Variants in SNX4 observed in about 807,000 individuals in gnomAD.
SNX4 encodes sorting nexin 4.
A neutral mutation model predicts 70.8 loss-of-function variants in SNX4; 49 were observed. The ratio of observed to expected loss-of-function variants is 0.69; its 90% CI spans 0.55 to 0.88. The LOEUF (loss-of-function observed/expected upper bound fraction) is 0.88. SNX4 is among the 40% of genes least tolerant of loss of function. The probability of loss-of-function intolerance (pLI) is 0.00; values close to 1 mark genes in which losing one functional copy is unlikely to be tolerated. For missense variants in SNX4, 528 were observed against 544.8 expected (o/e 0.97, Z 0.31); for synonymous variants, 206 against 183.8 (o/e 1.12, Z -0.98).
rs1293738065 is a variant in SNX4, at chr3:125,457,470, T to C, written c.945-105A>G. On this transcript the variant is annotated intron_variant, in intron 10 of 13. Coordinates refer to ENST00000251775, the MANE Select transcript of SNX4 (RefSeq NM_003794.4). ...TTCACAATGTCTCGCTAGGGCAGAA[T>C]GTGTGTGCCCAGAATTTTCAAGTTT... 3.9e-6 allele frequency: 3 copies of C among 777,142 alleles called. No homozygotes were observed. In the Admixed American group the frequency reaches 6.7e-5, roughly 17 times the overall value. 48.1% of individuals were successfully genotyped at this position (777,142 alleles called of 1,614,324 possible).
At chr3:125,489,912 G>C (rs1934613270) in intron 5 of SNX4, among the ~76,000 whole-genome samples, 1 of 152,130 alleles carries the variant, frequency 6.6e-6, no homozygotes. Flanking sequence ...GATCACTTGA[G>C]GTCAGGAGTT....
intron 1 of SNX4, among the ~76,000 whole-genome samples, chr3:125,518,494 C>G (rs1269923470): frequency 6.6e-6 from 1 of 152,056 alleles, no homozygotes; most frequent in Non-Finnish European, 1.5e-5. Flanking sequence ...AAAAAGTCTT[C>G]ATGCTACCTT....
At position 125,476,730 on chromosome 3, in the gene SNX4, T is replaced by C. The variant is rs575849911; in HGVS notation, c.753A>G (p.Val251=). 3.7e-5 allele frequency: 59 copies of C among 1,600,698 alleles called. 1 individual carries two copies. The South Asian group carries it at 5.8e-4, about 16-fold the overall frequency. Residue 251 remains valine, a synonymous_variant, in exon 8 of 14, where the codon GTA becomes GTG. Transcript: ENST00000251775. ...RARVADRLYG[V]YKVHGNYGRV... is the part of the protein sequence containing the mutation. ...GACCATAATTCCCATGTACTTTATA[T>C]ACACCATAGAGTCGATCTGCTACTC...
intron 2 of SNX4, among the ~76,000 whole-genome samples, chr3:125,499,987 G>C (rs950148233): frequency 4.6e-5 from 7 of 151,884 alleles, no homozygotes; most frequent in Non-Finnish European, 1.0e-4. Context: ...TTGAACCCGG[G>C]AGGCAGAGGT....
intron 11 of SNX4, among the ~76,000 whole-genome samples, chr3:125,455,765 G>A (rs6785241): frequency 0.038 from 5,742 of 152,190 alleles, 245 homozygotes; most frequent in African/African-American, 0.092. Context: ...TATAATCCCA[G>A]CACTTTGGGT....
At chr3:125,505,538 G>C (rs371525475) in intron 1 of SNX4, among the ~76,000 whole-genome samples, 1 of 152,194 alleles carries the variant, frequency 6.6e-6, no homozygotes, top group African/African-American at 2.4e-5. Context: ...AGGCAGCTGT[G>C]CAGCATTCCT....
chr3:125,489,589 C>G (rs940512825), intron 5 of SNX4, 126 bp from the exon 6 acceptor site: 3 of 699,296 alleles, frequency 4.3e-6, no homozygotes, highest in African/African-American at 1.8e-5. Context: ...GTTGTAAACA[C>G]ATTAAACATG....
In SNX4 at chr3:125,489,435, G is replaced by T; in HGVS notation, c.626C>A (p.Ala209Glu). The T allele has an allele frequency of 6.2e-7, 1 of 1,613,278 alleles. No individual in the cohort carries two copies. Among genetic ancestry groups the T allele is most frequent in the Non-Finnish European group, 8.5e-7 (1 of 1,179,476 alleles). The change falls in exon 6 of 14, where the codon GCA becomes GAA. Residue 209 changes from alanine (A) to glutamate (E), a missense_variant. Physicochemically the swap from Ala to Glu is moderately radical, Grantham distance 107. Transcript: ENST00000251775. ...GTCTGGGTTTTTCACTCTGAATGTT[G>T]CATTAAGCGCTTTTAACCTGGAGTC... ...KADSRLKALN[A>E]TFRVKNPDKR...
intron 1 of SNX4, 137 bp downstream of exon 1, chr3:125,519,895 C>G: frequency 2.6e-6 from 2 of 769,598 alleles, no homozygotes; most frequent in Non-Finnish European, 3.8e-6. Context: ...CGCCTTTCCA[C>G]CTCGCTCCCC....
chr3:125,448,575 C>T (rs1467316802), intron 13 of SNX4, among the ~76,000 whole-genome samples: 1 of 151,388 alleles, frequency 6.6e-6, no homozygotes, highest in Non-Finnish European at 1.5e-5. Flanking sequence ...CTCTTAGTAC[C>T]TGAAGTTACT....
rs1933445553 is a variant in SNX4, at chr3:125,447,208, T to C, written c.*571A>G. ...AAATTTCTGACCAGTATCAAAATTCTGGTAAAACACAAATTGAAGGCATTT... is the reference window on the plus strand; with the variant it reads ...AAATTTCTGACCAGTATCAAAATTCCGGTAAAACACAAATTGAAGGCATTT... On this transcript the variant is annotated 3_prime_UTR_variant, in exon 14 of 14. Transcript: ENST00000251775. 6.6e-6 allele frequency: 1 copy of C among 152,668 alleles called. No homozygotes were observed. The highest frequency in any genetic ancestry group is 1.5e-5 in the Non-Finnish European group (1 of 68,036). 9.5% of individuals were successfully genotyped at this position (152,668 alleles called of 1,614,324 possible).
At chr3:125,519,980 C>G in intron 1 of SNX4, 52 bp downstream of exon 1, 1 of 1,458,524 alleles carries the variant, frequency 6.9e-7, no homozygotes, top group East Asian at 3.0e-5. Flanking sequence ...CCCAGCCCGG[C>G]CCGCTAGGCC....
intron 5 of SNX4, among the ~76,000 whole-genome samples, chr3:125,496,631 C>A (rs532701395): frequency 6.6e-6 from 1 of 152,146 alleles, no homozygotes; most frequent in African/African-American, 2.4e-5. Flanking sequence ...TTTGTAATAA[C>A]CTTTGTTGTA....
intron 5 of SNX4, among the ~76,000 whole-genome samples, chr3:125,490,416 G>A (rs28678790): frequency 0.058 from 8,604 of 148,818 alleles, 342 homozygotes; most frequent in East Asian, 0.12. Flanking sequence ...CAGCTACTCC[G>A]GAGAGGCTGA....
intron 2 of SNX4, among the ~76,000 whole-genome samples, chr3:125,502,454 CTTTTA>C (rs1193236405): frequency 1.3e-5 from 2 of 151,728 alleles, no homozygotes; most frequent in East Asian, 1.9e-4. Context: ...AAGATTTAAA[CTTTTA>C]TTTTAGGCAG....
chr3:125,462,244 G>C (rs367984822), intron 9 of SNX4, among the ~76,000 whole-genome samples: 2 of 152,036 alleles, frequency 1.3e-5, no homozygotes, highest in East Asian at 3.9e-4. Flanking sequence ...TTATTTATTT[G>C]AATTATCTAT....
At chr3:125,472,193 T>C (rs572804510) in intron 8 of SNX4, among the ~76,000 whole-genome samples, 13 of 152,326 alleles carry the variant, frequency 8.5e-5, no homozygotes, top group African/African-American at 2.9e-4. Context: ...TGAAAAAATT[T>C]CAATTAAGAA....
intron 4 of SNX4, 47 bp downstream of exon 4, chr3:125,497,787 C>A: frequency 3.0e-6 from 4 of 1,348,328 alleles, no homozygotes; most frequent in South Asian, 1.5e-5. Context: ...TTTTAAGAAA[C>A]CCAAATTAAA....
chr3:125,447,937 G>A (rs927703882), intron 13 of SNX4, 111 bp from the exon 14 acceptor site: 3 of 611,458 alleles, frequency 4.9e-6, no homozygotes, highest in African/African-American at 3.8e-5. Context: ...TTAAGAAGTC[G>A]AGAAAATATG....
Sources: gnomAD v4.1 joint callset for allele counts (sites outside exome capture counted in the v4.1 genomes callset) on GRCh38, gnomAD v4.1.1 for gene constraint, MANE v1.5 for transcripts, NCBI Gene and HGNC (gene_info 2026-07-23, HGNC 2026-07-21) for gene names.